Variants in PTPRN2 observed in about 807,000 individuals in gnomAD.
PTPRN2 encodes the protein receptor-type tyrosine-protein phosphatase N2.
PTPRN2 carries 74 observed loss-of-function variants against 118.8 expected under a neutral mutation model. That is an observed-to-expected ratio of 0.62 (90% CI 0.52 to 0.76). PTPRN2 has a LOEUF of 0.76. Ranked by LOEUF, PTPRN2 falls within the 30% of genes least tolerant of loss-of-function variation. The pLI, the probability that PTPRN2 is intolerant of heterozygous loss-of-function variation, is 0.00. For synonymous variants in PTPRN2, 641 were observed against 608.0 expected, an observed-to-expected ratio of 1.05 and a Z score of -0.80; for missense variants, 1,481 against 1,394.4, an observed-to-expected ratio of 1.06 and a Z score of -0.99.
At chr7:157,575,406 G>A (rs1340585350) in intron 19 of PTPRN2, among the ~76,000 whole-genome samples, 2 of 152,222 alleles carry the variant, frequency 1.3e-5, no homozygotes, top group African/African-American at 2.4e-5. Context: ...CTGGATCTAC[G>A]CTCTGCGTCC....
chr7:157,888,659 C>G (rs376807107), intron 12 of PTPRN2, among the ~76,000 whole-genome samples: 1 of 151,922 alleles, frequency 6.6e-6, no homozygotes, highest in African/African-American at 2.4e-5. Context: ...CTACGCGCAG[C>G]ACCATGCCAC....
At chr7:158,170,158 G>T (rs774663591) in intron 5 of PTPRN2, among the ~76,000 whole-genome samples, 1 of 152,190 alleles carries the variant, frequency 6.6e-6, no homozygotes, top group Admixed American at 6.5e-5. Context: ...GCGAGCGAGC[G>T]AGAGACAGTG....
chr7:158,366,864 G>A (rs11975566), intron 2 of PTPRN2, among the ~76,000 whole-genome samples: 3,718 of 152,298 alleles, frequency 0.024, 64 homozygotes, highest in African/African-American at 0.045. Context: ...GAAAATGACC[G>A]AAGACGTCAC....
At chr7:158,001,115 GGGGCTGGGGTTTGGCCGC>G (rs1250040040) in intron 11 of PTPRN2, among the ~76,000 whole-genome samples, 5 of 114,316 alleles carry the variant, frequency 4.4e-5, no homozygotes, top group Non-Finnish European at 9.2e-5. Context: ...GTGCAGGGTG[GGGGCTGGGGTTTGGCCGC>G]AGGTGGGGTG....
At position 158,455,966 on chromosome 7, in the gene PTPRN2, A is replaced by G. The variant is rs973756419; in HGVS notation, c.163+33769T>C. 5.9e-4 allele frequency among the ~76,000 whole-genome samples: 88 copies of G among 150,168 alleles called. 1 individual carries two copies. The highest frequency in any genetic ancestry group is 1.0e-3 in the Non-Finnish European group (70 of 67,728). On this transcript the variant is annotated intron_variant, in intron 2 of 22. Coordinates refer to ENST00000389418, the MANE Select transcript of PTPRN2 (RefSeq NM_002847.5). Reference sequence around the variant, plus strand: ...ATCGCTCTACAAAGAAGATAACGGCATGGACGCCATCGGCCACGGCCACCC... The same window carrying G: ...ATCGCTCTACAAAGAAGATAACGGCGTGGACGCCATCGGCCACGGCCACCC...
chr7:158,253,266 T>C (rs1279889206), intron 3 of PTPRN2, among the ~76,000 whole-genome samples: 1 of 151,048 alleles, frequency 6.6e-6, no homozygotes, highest in African/African-American at 2.5e-5. Context: ...ACTGGAGGAC[T>C]GACCGGGGCC....
intron 3 of PTPRN2, among the ~76,000 whole-genome samples, chr7:158,280,021 A>G (rs1267674183): frequency 1.4e-5 from 2 of 141,728 alleles, no homozygotes; most frequent in African/African-American, 5.3e-5. Flanking sequence ...CCGAACCCAC[A>G]GAGCCCCGCG....
rs572579476 is a variant in PTPRN2 at position 157,800,418 on chromosome 7, G to T, written c.1788+98255C>A. Among the ~76,000 whole-genome samples the T allele has an allele frequency of 4.0e-4, 61 of 152,246 alleles. No homozygotes were observed. In the East Asian group the frequency reaches 0.01, roughly 26 times the overall value. On this transcript the variant is annotated intron_variant, in intron 12 of 22. Coordinates refer to ENST00000389418, the MANE Select transcript of PTPRN2 (RefSeq NM_002847.5). ...GACCCCTAGCGTGCTTCCCCGCTGC[G>T]CTCCCAGCTCCTACAACAGTGTCTG...
At position 157,742,484 on chromosome 7, in the gene PTPRN2, G is replaced by GTT. The variant is rs764502341; in HGVS notation, c.1789-59549_1789-59548dup. On this transcript the variant is annotated intron_variant, in intron 12 of 22. Coordinates refer to ENST00000389418, the MANE Select transcript of PTPRN2 (RefSeq NM_002847.5). ...GAGACTACTTGATGAGCTGACTTCT[G>GTT]TTTTTTTTTTTTTTTCCAGAAGTGG... is the stretch of plus-strand genomic sequence containing the variant. 7.1e-4 allele frequency among the ~76,000 whole-genome samples: 100 copies of GTT among 140,182 alleles called. No homozygotes were observed. The South Asian group carries it at 0.011, about 15-fold the overall frequency. 92.0% of individuals were successfully genotyped at this position (140,182 alleles called of 152,430 possible). A position where few individuals can be genotyped will look rare whatever the true frequency, so the allele number is the denominator to read the frequency against.
In PTPRN2 at chr7:158,273,457, G is replaced by GGC. The variant is rs1227383677; in HGVS notation, c.277+43361_277+43362insGC. On this transcript the variant is annotated intron_variant, in intron 3 of 22. Coordinates refer to ENST00000389418, the MANE Select transcript of PTPRN2 (RefSeq NM_002847.5). ...GCAGACAGACGCGGGAGGAGCCGCA[G>GGC]ACGCAGGGGGAGCCGCAGGCACAGG... 3.9e-4 allele frequency among the ~76,000 whole-genome samples: 58 copies of GGC among 150,586 alleles called. 9 individuals carry two copies. The highest frequency in any genetic ancestry group is 1.4e-3 in the East Asian group (7 of 5,032).
rs1332009675 is a variant in PTPRN2, at chr7:157,964,217, A to G, written c.1724-65480T>C. Reference sequence around the variant, plus strand: ...TCCTGGTCCCACCGACCTGGGCTGGAGCTCCCAGATGCTCCACACACCCAC... The same window carrying G: ...TCCTGGTCCCACCGACCTGGGCTGGGGCTCCCAGATGCTCCACACACCCAC... On this transcript the variant is annotated intron_variant, in intron 11 of 22. Transcript: ENST00000389418. The surrounding 1 kb of genome is among the most constrained non-coding windows in gnomAD (Gnocchi z 9.0). Among the ~76,000 whole-genome samples the G allele has an allele frequency of 6.6e-6, 1 of 151,954 alleles. No homozygotes were observed. The highest frequency in any genetic ancestry group is 1.9e-4 in the East Asian group (1 of 5,170).
intron 2 of PTPRN2, among the ~76,000 whole-genome samples, chr7:158,443,849 G>C (rs952259330): frequency 6.6e-6 from 1 of 152,156 alleles, no homozygotes; most frequent in African/African-American, 2.4e-5. Context: ...TGGACTGTTG[G>C]CCACCAGCAA....
At chr7:158,142,367 C>T (rs1819468788) in intron 6 of PTPRN2, among the ~76,000 whole-genome samples, 1 of 152,246 alleles carries the variant, frequency 6.6e-6, no homozygotes, top group South Asian at 2.1e-4. Flanking sequence ...CGCCCAGCCT[C>T]CGGACTGACG....
chr7:157,739,352 C>G (rs1195734011), intron 12 of PTPRN2: 1 of 152,276 alleles, frequency 6.6e-6, no homozygotes, highest in African/African-American at 2.4e-5. Context: ...AATGCCTCTT[C>G]TTCCTGACTA....
intron 21 of PTPRN2, among the ~76,000 whole-genome samples, chr7:157,559,496 G>A (rs1031255931): frequency 7.9e-5 from 12 of 152,148 alleles, no homozygotes; most frequent in South Asian, 4.1e-4. Context: ...GGAGATGGAG[G>A]GGGGACCACA....
chr7:158,484,812 CA>C (rs2129445101), intron 2 of PTPRN2, among the ~76,000 whole-genome samples: 1 of 152,342 alleles, frequency 6.6e-6, no homozygotes, highest in South Asian at 2.1e-4. Flanking sequence ...TCCACCATCA[CA>C]GACGTCCTCG....
At position 157,991,079 on chromosome 7, in the gene PTPRN2, T is replaced by C. The variant is rs771271254; in HGVS notation, c.1723+90219A>G. 1.5e-4 allele frequency among the ~76,000 whole-genome samples: 23 copies of C among 152,190 alleles called. No homozygotes were observed. The South Asian group carries it at 1.9e-3, about 12-fold the overall frequency. ...TGGGGTGTGGATGCAGGGGCACTGC[T>C]ATCTCCACTGCCAGGGCTGCTGGAT... On this transcript the variant is annotated intron_variant, in intron 11 of 22. Coordinates refer to ENST00000389418, the MANE Select transcript of PTPRN2 (RefSeq NM_002847.5).
chr7:157,731,708 C>T (rs1225693331), intron 12 of PTPRN2, among the ~76,000 whole-genome samples: 2 of 37,344 alleles, frequency 5.4e-5, no homozygotes, highest in African/African-American at 2.1e-4. Flanking sequence ...GCACAGTTAC[C>T]CTTTCCCGTC....
chr7:157,773,336 A>G (rs73165841), intron 12 of PTPRN2, among the ~76,000 whole-genome samples: 9,128 of 152,226 alleles, frequency 0.06, 348 homozygotes, highest in Middle Eastern at 0.15. Flanking sequence ...CATGCCTAGA[A>G]AACAAACAGG....
Sources: gnomAD v4.1 joint callset for allele counts (sites outside exome capture counted in the v4.1 genomes callset) on GRCh38, gnomAD v4.1.1 for gene constraint, Gnocchi (gnomAD v3.1) non-coding constraint, MANE v1.5 for transcripts, NCBI Gene and HGNC (gene_info 2026-07-23, HGNC 2026-07-21) for gene names.